The following YTHDF2 variants were observed in gnomAD, a reference collection of about 807,000 sequenced individuals.
The protein encoded by YTHDF2 is YTH N6-methyladenosine RNA binding protein F2.
In YTHDF2, 2 loss-of-function variants were observed where a neutral mutation model predicts 50.4. That is an observed-to-expected ratio of 0.04 (90% confidence interval 0.02 to 0.12). The LOEUF is 0.12. YTHDF2 is among the 10% of genes least tolerant of loss of function. The pLI is 1.00. For synonymous variants in YTHDF2, 217 were observed against 255.6 expected, an observed-to-expected ratio of 0.85 and a Z score of 1.44; for missense variants, 483 against 722.6, an observed-to-expected ratio of 0.67 and a Z score of 3.80.
chr1:28,753,864 G>A (rs1359969727), intron 4 of YTHDF2, among the ~76,000 whole-genome samples: 2 of 151,778 alleles, frequency 1.3e-5, no homozygotes, highest in Non-Finnish European at 2.9e-5. Context: ...CTGTCACCAC[G>A]CCCAGCTAAT....
rs1264077001 is a variant in YTHDF2, at chr1:28,742,704, A to C, written c.434A>C (p.Gln145Pro). 1 of 1,614,054 alleles carries C rather than the reference A, an allele frequency of 6.2e-7. No individual in the cohort carries two copies. The highest frequency in any genetic ancestry group is 8.5e-7 in the Non-Finnish European group (1 of 1,180,044). ...GNNSSQGQST[Q>P]SSGYSSNYAY... is the part of the protein sequence containing the mutation. ...AACAGTTCTCAGGGACAGTCTACTCAGAGCTCTGGATATAGTAGCAATTAT... is the reference window on the plus strand; with the variant it reads ...AACAGTTCTCAGGGACAGTCTACTCCGAGCTCTGGATATAGTAGCAATTAT... The change falls in exon 4 of 5, where the codon CAG (glutamine) becomes CCG (proline). Residue 145 changes from glutamine (Q) to proline (P), a missense_variant. Coordinates refer to ENST00000373812, the MANE Select transcript of YTHDF2 (RefSeq NM_016258.3).
chr1:28,739,555 C>A (rs192985237), intron 3 of YTHDF2, among the ~76,000 whole-genome samples: 1 of 151,950 alleles, frequency 6.6e-6, no homozygotes, highest in African/African-American at 2.4e-5. Context: ...CCTCCTCGAC[C>A]TCTCAGAAGT....
chr1:28,752,167 A>G (rs1339013414), intron 4 of YTHDF2, among the ~76,000 whole-genome samples: 2 of 152,254 alleles, frequency 1.3e-5, no homozygotes, highest in African/African-American at 4.8e-5. Context: ...AAATTACATT[A>G]TAATTACCAT....
chr1:28,764,926 A>G (rs941125154), intron 4 of YTHDF2, among the ~76,000 whole-genome samples: 2 of 151,888 alleles, frequency 1.3e-5, no homozygotes, highest in Admixed American at 6.6e-5. Flanking sequence ...TGCAGTGACT[A>G]TTCACAGCTG....
At position 28,737,088 on chromosome 1, in the gene YTHDF2, G is replaced by A. The variant is rs1489593097; in HGVS notation, c.-33G>A. The A allele has an allele frequency of 1.9e-6, 3 of 1,584,958 alleles. No individual in the cohort carries two copies. Among genetic ancestry groups the A allele is most frequent in the East Asian group, 2.3e-5 (1 of 43,310 alleles). On this transcript the variant is annotated 5_prime_UTR_variant, in exon 1 of 5. Coordinates refer to ENST00000373812, the MANE Select transcript of YTHDF2 (RefSeq NM_016258.3). Reference sequence around the variant, plus strand: ...GCCGCCGCCGCGCTGAGGAGAGTTCGCCGCCGTCGCCGCCCGTGAGGATCT... The same window carrying A: ...GCCGCCGCCGCGCTGAGGAGAGTTCACCGCCGTCGCCGCCCGTGAGGATCT...
In YTHDF2 at chr1:28,742,598, G is replaced by A. The variant is rs746011009; in HGVS notation, c.328G>A (p.Ala110Thr). Residue 110 changes from alanine to threonine, a missense_variant, in exon 4 of 5, where the codon GCC (alanine) becomes ACC (threonine). Ala to Thr is a moderately conservative substitution (Grantham distance 58). Coordinates refer to ENST00000373812, the MANE Select transcript of YTHDF2 (RefSeq NM_016258.3). ...AGATGCAATGTTTGGGCAACCAGGA[G>A]CCCTAGGTAGCACTCCATTTCTTGG... is the stretch of plus-strand genomic sequence containing the variant. The part of the protein sequence containing the change: ...LPDAMFGQPG[A>T]LGSTPFLGQH... 4 of 1,613,840 alleles carry A rather than the reference G, an allele frequency of 2.5e-6. No individual in the cohort carries two copies. Among genetic ancestry groups the A allele is most frequent in the Admixed American group, 3.3e-5 (2 of 59,976 alleles).
intron 4 of YTHDF2, among the ~76,000 whole-genome samples, chr1:28,756,721 C>T (rs527498491): frequency 7.9e-5 from 12 of 152,072 alleles, no homozygotes; most frequent in Admixed American, 2.0e-4. Context: ...TTAGTCTGGG[C>T]GCAGGTTTGG....
At chr1:28,753,993 C>T (rs2087998880) in intron 4 of YTHDF2, among the ~76,000 whole-genome samples, 1 of 152,134 alleles carries the variant, frequency 6.6e-6, no homozygotes, top group African/African-American at 2.4e-5. Flanking sequence ...AGGTGTGAGC[C>T]ACTGCGCTCG....
At chr1:28,750,476 A>T (rs2087934082) in intron 4 of YTHDF2, among the ~76,000 whole-genome samples, 1 of 152,214 alleles carries the variant, frequency 6.6e-6, no homozygotes, top group Non-Finnish European at 1.5e-5. Context: ...GGGGGTTCAT[A>T]CATAGGGTAG....
intron 4 of YTHDF2, among the ~76,000 whole-genome samples, chr1:28,767,219 A>T (rs953199929): frequency 6.6e-5 from 10 of 152,168 alleles, no homozygotes; most frequent in Non-Finnish European, 1.3e-4. Flanking sequence ...TGTGAGACTT[A>T]AAATTGCACA....
At chr1:28,748,361 C>T (rs1220429680) in intron 4 of YTHDF2, among the ~76,000 whole-genome samples, 3 of 152,100 alleles carry the variant, frequency 2.0e-5, no homozygotes, top group African/African-American at 4.8e-5. Context: ...GGTAGACTCC[C>T]TTAGGTGAAG....
intron 4 of YTHDF2, among the ~76,000 whole-genome samples, chr1:28,767,710 G>T (rs188616286): frequency 0.014 from 2,174 of 150,652 alleles, 25 homozygotes; most frequent in Middle Eastern, 0.061. Flanking sequence ...GGGTTTCACC[G>T]TGTTAGCCGG....
At chr1:28,762,682 G>A (rs1216923651) in intron 4 of YTHDF2, among the ~76,000 whole-genome samples, 4 of 152,138 alleles carry the variant, frequency 2.6e-5, no homozygotes, top group African/African-American at 7.2e-5. Context: ...AAGTAGAAAG[G>A]TTATTAAGCT....
At chr1:28,752,109 C>G (rs768474425) in intron 4 of YTHDF2, among the ~76,000 whole-genome samples, 4 of 152,220 alleles carry the variant, frequency 2.6e-5, no homozygotes, top group Non-Finnish European at 5.9e-5. Context: ...TTGGAGCTGG[C>G]TAGTTGGAGC....
intron 3 of YTHDF2, among the ~76,000 whole-genome samples, chr1:28,739,736 T>C (rs2087748958): frequency 6.6e-6 from 1 of 152,074 alleles, no homozygotes; most frequent in Non-Finnish European, 1.5e-5. Context: ...ATCAATAACG[T>C]TGGAGGTTTT....
chr1:28,757,952 A>G (rs2088060025), intron 4 of YTHDF2, among the ~76,000 whole-genome samples: 3 of 152,116 alleles, frequency 2.0e-5, no homozygotes, highest in Non-Finnish European at 1.5e-5. Flanking sequence ...ATCTCTTGTA[A>G]TAATCCTGTA....
intron 4 of YTHDF2, among the ~76,000 whole-genome samples, chr1:28,753,056 T>G (rs992473038): frequency 6.6e-6 from 1 of 151,634 alleles, no homozygotes; most frequent in Non-Finnish European, 1.5e-5. Context: ...AAAAAAAAAT[T>G]TTTTTGAGGA....
chr1:28,741,568 A>C (rs2087776472), intron 3 of YTHDF2, among the ~76,000 whole-genome samples: 2 of 152,296 alleles, frequency 1.3e-5, no homozygotes, highest in South Asian at 4.1e-4. Context: ...TTCTGGGATT[A>C]CAGGCGGGAG....
chr1:28,739,225 CTTCA>C (rs1368172494), intron 3 of YTHDF2: 1 of 152,054 alleles, frequency 6.6e-6, no homozygotes. Flanking sequence ...GTCACCTGAA[CTTCA>C]TTCAGTGCTG....
Sources: gnomAD v4.1 joint callset for allele counts (sites outside exome capture counted in the v4.1 genomes callset) on GRCh38, gnomAD v4.1.1 for gene constraint, MANE v1.5 for transcripts, NCBI Gene and HGNC (gene_info 2026-07-23, HGNC 2026-07-21) for gene names.